Variants in TMEM130 observed in about 807,000 individuals in gnomAD.
TMEM130 encodes transmembrane protein 130.
TMEM130 carries 37 observed loss-of-function variants against 42.9 expected under a neutral mutation model. The ratio of observed to expected loss-of-function variants is 0.86; its 90% CI spans 0.66 to 1.13. The LOEUF (loss-of-function observed/expected upper bound fraction) is 1.13. Ranked by LOEUF, TMEM130 falls within the 50% of genes most tolerant of loss-of-function variation. TMEM130 has a pLI of 0.00. For synonymous variants in TMEM130, 259 were observed against 237.7 expected (o/e 1.09, Z -0.82); for missense variants, 545 against 562.6 (o/e 0.97, Z 0.32).
rs1794625336 is a variant in TMEM130 at position 98,856,049 on chromosome 7, G to A, written c.686C>T (p.Thr229Ile). 6.2e-7 allele frequency: 1 copy of A among 1,613,588 alleles called. No individual in the cohort carries two copies. Among genetic ancestry groups the A allele is most frequent in the Non-Finnish European group, 8.5e-7 (1 of 1,180,036 alleles). ...PDATRAVKQK[T>I]GDFSASLKLQ... Reference sequence around the variant, plus strand: ...CTTCAGCGAGGCGGAGAAGTCCCCGGTCTTCTGCTTCACAGCCCTCGTGGC... The same window carrying A: ...CTTCAGCGAGGCGGAGAAGTCCCCGATCTTCTGCTTCACAGCCCTCGTGGC... The change falls in exon 4 of 8, where the codon ACC becomes ATC. Residue 229 changes from threonine (T) to isoleucine (I), a missense_variant. Physicochemically the swap from Thr to Ile is moderately conservative, Grantham distance 89 (BLOSUM62 -1). Coordinates refer to ENST00000339375, the MANE Select transcript of TMEM130 (RefSeq NM_152913.3).
At position 98,860,960 on chromosome 7, in the gene TMEM130, AAAAAAG is replaced by A. The variant is rs1794760515; in HGVS notation, c.392-628_392-623del. Among the ~76,000 whole-genome samples, 9 of 150,398 alleles carry A rather than the reference AAAAAAG, an allele frequency of 6.0e-5. No homozygotes were observed. In the South Asian group the frequency reaches 1.0e-3, roughly 17 times the overall value. Reference sequence around the variant, plus strand: ...TCTGTCTCAAAAAAAAAAAAAAAAAAAAAAAGAAGAAGGAAATGCATAAGCTTTGAA... The same window carrying A: ...TCTGTCTCAAAAAAAAAAAAAAAAAAAAGAAGGAAATGCATAAGCTTTGAA... On this transcript the variant is annotated intron_variant, in intron 2 of 7. Coordinates refer to ENST00000339375, the MANE Select transcript of TMEM130 (RefSeq NM_152913.3).
intron 3 of TMEM130, among the ~76,000 whole-genome samples, chr7:98,858,470 A>C (rs2116101166): frequency 6.6e-6 from 1 of 152,212 alleles, no homozygotes; most frequent in East Asian, 1.9e-4. Context: ...TGAACACAGG[A>C]GATTGAGGCT....
In TMEM130 at chr7:98,869,326, C is replaced by T; in HGVS notation, c.85+451G>A. ...AGCCAGCACCAACACGGTGGGAAAC[C>T]CCTCTAGATGAGGCGACATTTTAAG... On this transcript the variant is annotated intron_variant, in intron 1 of 7. Transcript: ENST00000339375. The surrounding 1 kb of genome is among the most constrained non-coding windows in gnomAD (Gnocchi z 4.7). The T allele has an allele frequency of 7.8e-7, 1 of 1,274,412 alleles. No homozygotes were observed. Among genetic ancestry groups the T allele is most frequent in the Non-Finnish European group, 1.0e-6 (1 of 983,168 alleles). 78.9% of individuals were successfully genotyped at this position (1,274,412 alleles called of 1,614,324 possible).
At chr7:98,856,680 A>G (rs957758184) in intron 3 of TMEM130, among the ~76,000 whole-genome samples, 3 of 151,796 alleles carry the variant, frequency 2.0e-5, no homozygotes, top group Admixed American at 2.0e-4. Context: ...GATTTTTTGT[A>G]GAGACAAGGT....
At chr7:98,862,993 C>T in intron 2 of TMEM130, 102 bp downstream of exon 2, 6 of 1,277,116 alleles carry the variant, frequency 4.7e-6, no homozygotes, top group Non-Finnish European at 6.3e-6. Flanking sequence ...TCCCCCAGAA[C>T]CTACGGGCCT....
Position 98,846,602 on chromosome 7 carries a change from C to G in TMEM130, c.*1454G>C, listed in dbSNP as rs1253945402. 6.6e-6 allele frequency: 1 copy of G among 152,238 alleles called. No homozygotes were observed. The highest frequency in any genetic ancestry group is 1.5e-5 in the Non-Finnish European group (1 of 68,088). The allele number at this position is 152,238 out of a possible 1,614,324, so 9.4% of individuals were successfully genotyped here. A position where few individuals can be genotyped will look rare whatever the true frequency, so the allele number is the denominator to read the frequency against. On this transcript the variant is annotated 3_prime_UTR_variant, in exon 8 of 8. Coordinates refer to ENST00000339375, the MANE Select transcript of TMEM130 (RefSeq NM_152913.3). ...CCATTTTCTGCACACAGCCTGGGAG[C>G]AGATGGTTACAGCGACAGAGCCCAG...
At chr7:98,861,454 C>G (rs1794769196) in intron 2 of TMEM130, among the ~76,000 whole-genome samples, 1 of 152,200 alleles carries the variant, frequency 6.6e-6, no homozygotes, top group Admixed American at 6.5e-5. Flanking sequence ...GTGGCTCACA[C>G]CTGTAATCCC....
chr7:98,859,930 G>A lies in TMEM130; in HGVS notation c.551+249C>T, dbSNP rs148217009. Among the ~76,000 whole-genome samples the A allele has an allele frequency of 7.1e-4, 108 of 152,066 alleles. No homozygotes were observed. In the Middle Eastern group the frequency reaches 0.017, roughly 24 times the overall value. On this transcript the variant is annotated intron_variant, in intron 3 of 7. Coordinates refer to ENST00000339375, the MANE Select transcript of TMEM130 (RefSeq NM_152913.3). ...AAAAAAATACAAAAATTAGCCAGGT[G>A]TGGTGGCGCAAGCCTGCAGTTCCAG...
At position 98,855,077 on chromosome 7, in the gene TMEM130, C is replaced by T. The variant is rs543786734; in HGVS notation, c.803+163G>A. 3.0e-4 allele frequency among the ~76,000 whole-genome samples: 46 copies of T among 152,304 alleles called. No homozygotes were observed. In the South Asian group the frequency reaches 8.5e-3, roughly 28 times the overall value. ...AATAAAATAAAATACTGGAGCTGAG[C>T]CCATGCTCTCCCCATGGCCCAGCCT... On this transcript the variant is annotated intron_variant, in intron 5 of 7. Coordinates refer to ENST00000339375, the MANE Select transcript of TMEM130 (RefSeq NM_152913.3).
chr7:98,865,728 CTATTA>C (rs1347217555), intron 1 of TMEM130: 14 of 152,382 alleles, frequency 9.2e-5, no homozygotes, highest in Admixed American at 2.6e-4. Context: ...CTCTGCCACT[CTATTA>C]TGAGGGGGGA....
Position 98,869,908 on chromosome 7 carries a change from G to A in TMEM130, c.-47C>T. 1 of 1,256,300 alleles carries A rather than the reference G, an allele frequency of 8.0e-7. No homozygotes were observed. Among genetic ancestry groups the A allele is most frequent in the Non-Finnish European group, 1.0e-6 (1 of 985,184 alleles). The allele number at this position is 1,256,300 out of a possible 1,614,324, so 77.8% of individuals were successfully genotyped here. A position where few individuals can be genotyped will look rare whatever the true frequency, so the allele number is the denominator to read the frequency against. Reference sequence around the variant, plus strand: ...AGCGTGGGGCGGACGCGGAGGGAATGCAGCTGGAGCTCGAGAACTGCGGCG... The same window carrying A: ...AGCGTGGGGCGGACGCGGAGGGAATACAGCTGGAGCTCGAGAACTGCGGCG... On this transcript the variant is annotated 5_prime_UTR_variant, in exon 1 of 8. Coordinates refer to ENST00000339375, the MANE Select transcript of TMEM130 (RefSeq NM_152913.3). This position sits in a 1 kb window ranked among gnomAD's most constrained non-coding sequence, Gnocchi z 4.7.
chr7:98,863,206 G>A lies in TMEM130; in HGVS notation c.280C>T (p.Arg94Cys), dbSNP rs201918406. ...KMEKGLSSTI[R>C]VVGHVPGEFP... The stretch of plus-strand genomic sequence containing the variant: ...TCCCCGGGCACGTGGCCGACCACAC[G>A]GATGGTGGAGCTGAGACCCTTCTCC... The change falls in exon 2 of 8, where the codon CGT becomes TGT. Residue 94 changes from arginine to cysteine, a missense_variant. Physicochemically the swap from Arg to Cys is radical, Grantham distance 180 (BLOSUM62 -3). Coordinates refer to ENST00000339375, the MANE Select transcript of TMEM130 (RefSeq NM_152913.3). The A allele has an allele frequency of 8.9e-5, 144 of 1,614,102 alleles. No individual in the cohort carries two copies. The highest frequency in any genetic ancestry group is 1.1e-4 in the Non-Finnish European group (125 of 1,180,024).
At chr7:98,858,555 C>CG (rs1794685556) in intron 3 of TMEM130, among the ~76,000 whole-genome samples, 1 of 151,038 alleles carries the variant, frequency 6.6e-6, no homozygotes, top group Non-Finnish European at 1.5e-5. Context: ...AAATGGAGGG[C>CG]GGGGGGTGAG....
chr7:98,852,997 G>A (rs1794546113), intron 5 of TMEM130, among the ~76,000 whole-genome samples: 1 of 152,194 alleles, frequency 6.6e-6, no homozygotes, highest in South Asian at 2.1e-4. Context: ...GGTGAGAAAG[G>A]ATAAGGGCAT....
At chr7:98,858,820 C>T (rs1794691126) in intron 3 of TMEM130, among the ~76,000 whole-genome samples, 9 of 151,862 alleles carry the variant, frequency 5.9e-5, no homozygotes, top group Admixed American at 5.9e-4. Flanking sequence ...CCACTGTACT[C>T]TAGCCTGAGT....
At chr7:98,858,474 T>A (rs1554399338) in intron 3 of TMEM130, among the ~76,000 whole-genome samples, 1 of 152,078 alleles carries the variant, frequency 6.6e-6, no homozygotes, top group Non-Finnish European at 1.5e-5. Context: ...CACAGGAGAT[T>A]GAGGCTGCAG....
At chr7:98,855,444 G>A (rs1794607830) in intron 4 of TMEM130, 120 bp from the exon 5 acceptor site, 6 of 881,336 alleles carry the variant, frequency 6.8e-6, no homozygotes, top group Non-Finnish European at 1.0e-5. Context: ...CTAAGAGCAG[G>A]CCACAGGTCT....
Position 98,863,343 on chromosome 7 carries a change from G to T in TMEM130, c.143C>A (p.Thr48Asn), listed in dbSNP as rs1205595462. 2 of 1,609,678 alleles carry T rather than the reference G, an allele frequency of 1.2e-6. No individual in the cohort carries two copies. The highest frequency in any genetic ancestry group is 1.3e-5 in the African/African-American group (1 of 74,908). Residue 48 changes from threonine (T) to asparagine (N), a missense_variant, in exon 2 of 8, where the codon ACC becomes AAC. Transcript: ENST00000339375. Reference sequence around the variant, plus strand: ...CTTGGCCACCAGGCTGGCCGAGATGGTCACCACCGCTCCCGTGGTGGCAGG... The same window carrying T: ...CTTGGCCACCAGGCTGGCCGAGATGTTCACCACCGCTCCCGTGGTGGCAGG... ...DSPATTGAVVTISASLVAKDN... is the reference protein window; with the variant it reads ...DSPATTGAVVNISASLVAKDN...
intron 1 of TMEM130, among the ~76,000 whole-genome samples, chr7:98,868,996 A>T (rs188012928): frequency 6.6e-6 from 1 of 152,066 alleles, no homozygotes; most frequent in Non-Finnish European, 1.5e-5. Flanking sequence ...CCGCTCTTTT[A>T]TGAGGGGGGA....
Sources: allele counts gnomAD v4.1 joint callset (sites outside exome capture counted in the v4.1 genomes callset), GRCh38; gene constraint gnomAD v4.1.1; non-coding constraint Gnocchi (gnomAD v3.1); transcripts MANE v1.5; gene names NCBI Gene and HGNC (gene_info 2026-07-23, HGNC 2026-07-21).